The following ARHGEF26 variants were observed in gnomAD, a reference collection of about 807,000 sequenced individuals.
The protein encoded by ARHGEF26 is Rho guanine nucleotide exchange factor (GEF) 26.
Under a neutral mutation model 89.4 loss-of-function variants are expected in ARHGEF26, and 59 were observed. The ratio of observed to expected loss-of-function variants is 0.66; its 90% CI spans 0.54 to 0.82. The LOEUF (loss-of-function observed/expected upper bound fraction) is 0.82, where lower values mean the gene tolerates loss of function less well. Among genes scored for constraint, ARHGEF26 ranks in the 40% least tolerant of loss-of-function variants. The probability of loss-of-function intolerance (pLI) is 0.00; values close to 1 mark genes in which losing one functional copy is unlikely to be tolerated. For synonymous variants in ARHGEF26, 500 were observed against 428.4 expected (o/e 1.17, Z -2.06); for missense variants, 1,234 against 1,085.6 (o/e 1.14, Z -1.92).
chr3:154,191,122 A>T (rs1013627974), intron 7 of ARHGEF26, among the ~76,000 whole-genome samples, 167 bp from the exon 8 acceptor site: 2 of 152,230 alleles, frequency 1.3e-5, no homozygotes, highest in African/African-American at 4.8e-5. Context: ...AAGGCAGACA[A>T]GCCATTCGTA....
chr3:154,248,466 T>C (rs1717927441), intron 12 of ARHGEF26, among the ~76,000 whole-genome samples: 1 of 152,208 alleles, frequency 6.6e-6, no homozygotes, highest in Admixed American at 6.5e-5. Flanking sequence ...ATAAAGACAG[T>C]ATACATGGAA....
At chr3:154,193,561 G>A (rs1252446363) in intron 8 of ARHGEF26, among the ~76,000 whole-genome samples, 1 of 152,020 alleles carries the variant, frequency 6.6e-6, no homozygotes, top group African/African-American at 2.4e-5. Flanking sequence ...GTGGAAATCT[G>A]GCCATTTAGG....
At chr3:154,230,071 A>G (rs1417838566) in intron 11 of ARHGEF26, among the ~76,000 whole-genome samples, 1 of 152,206 alleles carries the variant, frequency 6.6e-6, no homozygotes, top group African/African-American at 2.4e-5. Context: ...CAAGCTACTA[A>G]AAGATTTATT....
At chr3:154,202,288 C>G (rs1324308405) in intron 9 of ARHGEF26, among the ~76,000 whole-genome samples, 2 of 152,104 alleles carry the variant, frequency 1.3e-5, no homozygotes, top group Admixed American at 6.5e-5. Flanking sequence ...TTGTTTTTGT[C>G]AAGTTTGTCA....
intron 13 of ARHGEF26, among the ~76,000 whole-genome samples, chr3:154,254,500 A>G (rs1383715530): frequency 6.6e-6 from 1 of 152,182 alleles, no homozygotes; most frequent in Non-Finnish European, 1.5e-5. Flanking sequence ...GGAATCATGC[A>G]TCATAAAAGG....
Position 154,124,406 on chromosome 3 carries a change from T to C in ARHGEF26, c.1084-4T>C. On this transcript the variant is annotated splice_region_variant and splice_polypyrimidine_tract_variant and intron_variant, in intron 2 of 14. Coordinates refer to ENST00000465093, the MANE Select transcript of ARHGEF26 (RefSeq NM_015595.4). Reference sequence around the variant, plus strand: ...TTTTTTTTTTACTTTTTTTTGTCTCTTAGAAAAAAATGCTGAAAGGACAAG... The same window carrying C: ...TTTTTTTTTTACTTTTTTTTGTCTCCTAGAAAAAAATGCTGAAAGGACAAG... 1 of 1,488,202 alleles carries C rather than the reference T, an allele frequency of 6.7e-7. No homozygotes were observed. The highest frequency in any genetic ancestry group is 8.9e-7 in the Non-Finnish European group (1 of 1,123,292). The allele number at this position is 1,488,202 out of a possible 1,614,324, so 92.2% of individuals were successfully genotyped here.
At chr3:154,190,456 C>T (rs945655936) in intron 7 of ARHGEF26, among the ~76,000 whole-genome samples, 1 of 152,084 alleles carries the variant, frequency 6.6e-6, no homozygotes, top group African/African-American at 2.4e-5. Flanking sequence ...TGCAGTGAGC[C>T]GAGATTGTGC....
chr3:154,242,956 G>A (rs183508037), intron 12 of ARHGEF26, among the ~76,000 whole-genome samples: 228 of 152,270 alleles, frequency 1.5e-3, no homozygotes, highest in Non-Finnish European at 2.6e-3. Flanking sequence ...CTGTGTTTGC[G>A]GCTGTGGGGA....
At chr3:154,144,118 G>A (rs1194724757) in intron 4 of ARHGEF26, among the ~76,000 whole-genome samples, 1 of 152,180 alleles carries the variant, frequency 6.6e-6, no homozygotes, top group Non-Finnish European at 1.5e-5. Flanking sequence ...GAGAGATGTT[G>A]TTTCTGGGGC....
At chr3:154,169,164 G>A (rs924354254) in intron 6 of ARHGEF26, among the ~76,000 whole-genome samples, 6 of 152,058 alleles carry the variant, frequency 3.9e-5, no homozygotes, top group African/African-American at 1.4e-4. Flanking sequence ...CTCAATGGGG[G>A]CCTGCACTCA....
intron 7 of ARHGEF26, among the ~76,000 whole-genome samples, chr3:154,189,009 C>A (rs980291644): frequency 6.6e-6 from 1 of 152,046 alleles, no homozygotes; most frequent in African/African-American, 2.4e-5. Flanking sequence ...CAAAAATCTC[C>A]CCAGACATTG....
intron 6 of ARHGEF26, among the ~76,000 whole-genome samples, chr3:154,161,330 G>A (rs76258744): frequency 0.035 from 1,747 of 50,174 alleles, 35 homozygotes; most frequent in African/African-American, 0.12. Context: ...ATCCATTTTA[G>A]TAACATGTTA....
chr3:154,196,839 C>T (rs1714321427), intron 9 of ARHGEF26, among the ~76,000 whole-genome samples: 1 of 149,050 alleles, frequency 6.7e-6, no homozygotes, highest in Non-Finnish European at 1.5e-5. Context: ...TAGTCTTGGA[C>T]ATAAATGGGA....
intron 10 of ARHGEF26, among the ~76,000 whole-genome samples, chr3:154,219,674 C>T (rs1185544568): frequency 6.6e-6 from 1 of 151,782 alleles, no homozygotes; most frequent in African/African-American, 2.4e-5. Flanking sequence ...CCCCAAGGAT[C>T]ATTAAAAGTA....
chr3:154,180,872 T>C (rs1713140275), intron 6 of ARHGEF26, among the ~76,000 whole-genome samples: 1 of 152,006 alleles, frequency 6.6e-6, no homozygotes, highest in Non-Finnish European at 1.5e-5. Flanking sequence ...CTGTCCTATA[T>C]TTGTGTCGAA....
chr3:154,196,289 G>A (rs1408014511), intron 9 of ARHGEF26, among the ~76,000 whole-genome samples: 1 of 152,242 alleles, frequency 6.6e-6, no homozygotes, highest in African/African-American at 2.4e-5. Context: ...GAAAAATGTA[G>A]GTAGGGTTAG....
chr3:154,128,946 T>A (rs535309764), intron 3 of ARHGEF26, among the ~76,000 whole-genome samples: 27 of 152,364 alleles, frequency 1.8e-4, no homozygotes, highest in African/African-American at 6.0e-4. Flanking sequence ...AGTTCTCTCA[T>A]GCTTTAGTAT....
intron 9 of ARHGEF26, among the ~76,000 whole-genome samples, chr3:154,213,364 C>T (rs1715511161): frequency 6.6e-6 from 1 of 152,082 alleles, no homozygotes; most frequent in Middle Eastern, 3.4e-3. Context: ...CAGTAATATA[C>T]TGAGGCTGCT....
chr3:154,195,133 G>A (rs979988343), intron 9 of ARHGEF26, among the ~76,000 whole-genome samples: 7 of 152,186 alleles, frequency 4.6e-5, no homozygotes, highest in Admixed American at 3.9e-4. Flanking sequence ...ACAATGAAGG[G>A]TAGTGGGTGA....
Sources: allele counts gnomAD v4.1 joint callset (sites outside exome capture counted in the v4.1 genomes callset), GRCh38; gene constraint gnomAD v4.1.1; transcripts MANE v1.5; gene names NCBI Gene and HGNC (gene_info 2026-07-23, HGNC 2026-07-21).